The following CNTN5 variants were observed in gnomAD, a reference collection of about 807,000 sequenced individuals.
CNTN5 encodes contactin 5, also known as contactin-5.
A neutral mutation model predicts 129.1 loss-of-function variants in CNTN5; 77 were observed. That is an observed-to-expected ratio of 0.60 (90% CI 0.50 to 0.72). The LOEUF is 0.72. Among genes scored for constraint, CNTN5 ranks in the 30% least tolerant of loss-of-function variants. The pLI, the probability that CNTN5 is intolerant of heterozygous loss-of-function variation, is 0.00. For missense variants in CNTN5, 1,478 were observed against 1,328.8 expected (o/e 1.11, Z -1.75); for synonymous variants, 509 against 465.6 (o/e 1.09, Z -1.20).
intron 17 of CNTN5, among the ~76,000 whole-genome samples, chr11:100,270,280 A>G (rs1950386079): frequency 6.6e-6 from 1 of 152,236 alleles, no homozygotes; most frequent in African/African-American, 2.4e-5. Flanking sequence ...TGGTAAAAAC[A>G]GAATTGAGTC....
At chr11:100,016,358 A>G (rs934477597) in intron 9 of CNTN5, among the ~76,000 whole-genome samples, 5 of 152,122 alleles carry the variant, frequency 3.3e-5, no homozygotes, top group Admixed American at 3.3e-4. Flanking sequence ...AATTTGCTGT[A>G]AAGTTAAAAT....
intron 1 of CNTN5, among the ~76,000 whole-genome samples, chr11:99,046,905 G>A (rs143616124): frequency 1.3e-4 from 20 of 152,088 alleles, no homozygotes; most frequent in Non-Finnish European, 2.5e-4. Context: ...TATAATTGAC[G>A]AAGTCCCTTA....
chr11:99,507,639 T>C (rs978795888), intron 2 of CNTN5, among the ~76,000 whole-genome samples: 3 of 152,134 alleles, frequency 2.0e-5, no homozygotes, highest in African/African-American at 7.2e-5. Flanking sequence ...ATACATAACA[T>C]TTAGATATGG....
At chr11:99,440,773 A>G (rs1943794736) in intron 2 of CNTN5, among the ~76,000 whole-genome samples, 1 of 152,300 alleles carries the variant, frequency 6.6e-6, no homozygotes, top group East Asian at 1.9e-4. Flanking sequence ...TTTGAAGTGC[A>G]TAGATATGTC....
At position 99,395,507 on chromosome 11, in the gene CNTN5, T is replaced by G. The variant is rs1941473935; in HGVS notation, c.-71+70023T>G. ...TCTGTAAGTTGTCTGTTTATTCTGT[T>G]GATAGTTTCTTTTGCTGTGCAGAAG... On this transcript the variant is annotated intron_variant, in intron 2 of 24. Transcript: ENST00000524871. Among the ~76,000 whole-genome samples the G allele has an allele frequency of 2.0e-5, 3 of 152,082 alleles. No individual in the cohort carries two copies. The South Asian group carries it at 6.2e-4, about 32-fold the overall frequency.
chr11:100,190,555 T>C (rs889000744), intron 13 of CNTN5, among the ~76,000 whole-genome samples: 1 of 152,176 alleles, frequency 6.6e-6, no homozygotes, highest in South Asian at 2.1e-4. Context: ...AATGCAAACT[T>C]AGATATCATA....
chr11:99,730,098 G>A (rs1037270252), intron 3 of CNTN5, among the ~76,000 whole-genome samples: 1 of 152,152 alleles, frequency 6.6e-6, no homozygotes, highest in Non-Finnish European at 1.5e-5. Context: ...ATCCCTCCTT[G>A]TTCCCATGCA....
In CNTN5 at chr11:99,961,206, G is replaced by GAAAAAAAAA. The variant is rs769692454; in HGVS notation, c.877+4208_877+4216dup. 3.4e-4 allele frequency among the ~76,000 whole-genome samples: 33 copies of GAAAAAAAAA among 95,692 alleles called. 1 individual carries two copies. In the South Asian group the frequency reaches 5.0e-3, roughly 15 times the overall value. The allele number at this position is 95,692 out of a possible 152,430, so 62.8% of individuals were successfully genotyped here. On this transcript the variant is annotated intron_variant, in intron 8 of 24. Transcript: ENST00000524871. ...GGCCATAGAGTGAGACTCCGTCTCA[G>GAAAAAAAAA]AAAAAAAAAAAAAAAAAAACAGTAG... is the stretch of plus-strand genomic sequence containing the variant.
intron 3 of CNTN5, among the ~76,000 whole-genome samples, chr11:99,793,186 A>G (rs1481300664): frequency 1.3e-5 from 2 of 151,814 alleles, no homozygotes; most frequent in Non-Finnish European, 2.9e-5. Context: ...CAGCCTCCCG[A>G]GTAGCTGGGG....
At chr11:99,409,247 G>A (rs998857371) in intron 2 of CNTN5, among the ~76,000 whole-genome samples, 34 of 152,144 alleles carry the variant, frequency 2.2e-4, no homozygotes, top group African/African-American at 7.7e-4. Context: ...GGTGGATCAC[G>A]AGGTCAGGAG....
intron 2 of CNTN5, among the ~76,000 whole-genome samples, chr11:99,353,138 A>C (rs1472529273): frequency 6.6e-6 from 1 of 152,158 alleles, no homozygotes; most frequent in African/African-American, 2.4e-5. Context: ...GACACTATAC[A>C]AGGCCCAATC....
intron 13 of CNTN5, among the ~76,000 whole-genome samples, chr11:100,189,693 T>G (rs1948413171): frequency 6.6e-6 from 1 of 152,162 alleles, no homozygotes; most frequent in African/African-American, 2.4e-5. Flanking sequence ...ACATTTCATT[T>G]TCATAGAAAA....
At chr11:99,556,591 A>ATG (rs1398452862) in intron 3 of CNTN5, among the ~76,000 whole-genome samples, 2 of 137,494 alleles carry the variant, frequency 1.5e-5, no homozygotes, top group Non-Finnish European at 3.1e-5. Flanking sequence ...ATATATATAT[A>ATG]TATCTCCCAC....
chr11:99,491,587 A>G (rs78895206), intron 2 of CNTN5, among the ~76,000 whole-genome samples: 5,472 of 152,206 alleles, frequency 0.036, 131 homozygotes, highest in Middle Eastern at 0.065. Flanking sequence ...ACAATATGCT[A>G]TTGGGATTAT....
chr11:100,292,410 A>C (rs2138866831), intron 18 of CNTN5, among the ~76,000 whole-genome samples: 1 of 152,098 alleles, frequency 6.6e-6, no homozygotes, highest in Admixed American at 6.6e-5. Context: ...GTTCACAGTA[A>C]CCATTTCACA....
intron 13 of CNTN5, among the ~76,000 whole-genome samples, chr11:100,095,509 C>A (rs1944977200): frequency 6.6e-6 from 1 of 152,024 alleles, no homozygotes; most frequent in African/African-American, 2.4e-5. Context: ...CATGTCCATG[C>A]CATCTGTGCA....
intron 3 of CNTN5, among the ~76,000 whole-genome samples, chr11:99,593,677 G>A (rs932046727): frequency 6.6e-6 from 1 of 152,094 alleles, no homozygotes; most frequent in Non-Finnish European, 1.5e-5. Context: ...ACAAATTTTA[G>A]GTTGTTTTGT....
At chr11:99,422,552 A>C (rs1178179053) in intron 2 of CNTN5, among the ~76,000 whole-genome samples, 5 of 112,022 alleles carry the variant, frequency 4.5e-5, no homozygotes, top group African/African-American at 1.3e-4. Flanking sequence ...ATATATATAT[A>C]TATATATATC....
At chr11:99,406,452 C>T (rs1942071825) in intron 2 of CNTN5, among the ~76,000 whole-genome samples, 3 of 152,182 alleles carry the variant, frequency 2.0e-5, no homozygotes, top group African/African-American at 7.2e-5. Flanking sequence ...GGTTGAGTGA[C>T]ACAAGCTCCC....
Sources: gnomAD v4.1 joint callset for allele counts (sites outside exome capture counted in the v4.1 genomes callset) on GRCh38, gnomAD v4.1.1 for gene constraint, MANE v1.5 for transcripts, NCBI Gene and HGNC (gene_info 2026-07-23, HGNC 2026-07-21) for gene names.